QTMAN: variants seen among roughly 807,000 people sequenced by gnomAD.
The protein encoded by QTMAN is queuosine-tRNA mannosyltransferase.
At chr2:144,110,442 A>G in the QTMAN span, among the ~76,000 whole-genome samples, 4 of 152,274 alleles carry the variant, frequency 2.6e-5, no homozygotes, top group African/African-American at 9.6e-5. Flanking sequence ...CCTAATGTAA[A>G]TGGCGAGTTA....
At chr2:143,999,940 A>T in the QTMAN span, among the ~76,000 whole-genome samples, 1 of 152,082 alleles carries the variant, frequency 6.6e-6, no homozygotes, top group African/African-American at 2.4e-5. Flanking sequence ...CTATAGGTAG[A>T]AGTTCTTTAT....
At chr2:144,090,841 A>C in the QTMAN span, among the ~76,000 whole-genome samples, 1 of 152,068 alleles carries the variant, frequency 6.6e-6, no homozygotes, top group Non-Finnish European at 1.5e-5. Flanking sequence ...TAGGAAACTG[A>C]CAACCTTATT....
At chr2:144,113,843 C>T in the QTMAN span, among the ~76,000 whole-genome samples, 30 of 152,336 alleles carry the variant, frequency 2.0e-4, no homozygotes, top group African/African-American at 6.5e-4. Context: ...TTTTATCTGC[C>T]TCACTTTTTC....
the QTMAN span, among the ~76,000 whole-genome samples, chr2:144,170,916 C>G: frequency 6.6e-6 from 1 of 152,076 alleles, no homozygotes; most frequent in East Asian, 1.9e-4. Context: ...TTCAACTTTC[C>G]TTAACTTCAT....
At chr2:144,028,830 C>T in the QTMAN span, among the ~76,000 whole-genome samples, 423 of 152,250 alleles carry the variant, frequency 2.8e-3, 3 homozygotes, top group African/African-American at 9.7e-3. Context: ...TTTTGTTTTA[C>T]TTGTATTTTG....
At chr2:144,237,741 G>A in the QTMAN span, among the ~76,000 whole-genome samples, 4 of 152,164 alleles carry the variant, frequency 2.6e-5, no homozygotes, top group African/African-American at 9.7e-5. Flanking sequence ...ATGCCTTTGT[G>A]TAATCCCTTT....
At chr2:144,187,904 G>A in the QTMAN span, among the ~76,000 whole-genome samples, 1 of 152,212 alleles carries the variant, frequency 6.6e-6, no homozygotes. Flanking sequence ...TAAATCCAAT[G>A]ATGTTTTTCC....
At chr2:144,133,124 TA>T in the QTMAN span, among the ~76,000 whole-genome samples, 1 of 41,164 alleles carries the variant, frequency 2.4e-5, no homozygotes, top group African/African-American at 1.2e-4. Context: ...GTAATATATA[TA>T]TATATATATA....
the QTMAN span, among the ~76,000 whole-genome samples, chr2:143,979,131 C>T: frequency 3.3e-5 from 5 of 151,706 alleles, no homozygotes; most frequent in Non-Finnish European, 5.9e-5. Context: ...GAAATCACAG[C>T]TCTGAAAAAT....
chr2:144,014,818 T>C, the QTMAN span, among the ~76,000 whole-genome samples: 1 of 152,250 alleles, frequency 6.6e-6, no homozygotes, highest in Non-Finnish European at 1.5e-5. Context: ...CAGCCTATTC[T>C]TTTATATTTT....
At chr2:144,020,183 G>C in the QTMAN span, among the ~76,000 whole-genome samples, 2 of 152,180 alleles carry the variant, frequency 1.3e-5, no homozygotes, top group African/African-American at 2.4e-5. Context: ...TGCTGGGTAG[G>C]GGAGGGTGGG....
At chr2:144,100,504 A>T in the QTMAN span, among the ~76,000 whole-genome samples, 1 of 152,232 alleles carries the variant, frequency 6.6e-6, no homozygotes, top group Non-Finnish European at 1.5e-5. Context: ...TTATTCAACT[A>T]ATAATTGAAT....
the QTMAN span, among the ~76,000 whole-genome samples, chr2:144,281,395 C>CAAA: frequency 8.1e-4 from 49 of 60,578 alleles, no homozygotes; most frequent in African/African-American, 1.3e-3. Flanking sequence ...ATTGTTATAG[C>CAAA]AAAAAAAAAA....
At chr2:144,118,263 C>T in the QTMAN span, among the ~76,000 whole-genome samples, 1 of 152,162 alleles carries the variant, frequency 6.6e-6, no homozygotes, top group Non-Finnish European at 1.5e-5. Context: ...ATTTTCTCAT[C>T]TGTCTTCAAC....
the QTMAN span, among the ~76,000 whole-genome samples, chr2:144,050,911 G>A: frequency 6.6e-6 from 1 of 151,980 alleles, no homozygotes; most frequent in African/African-American, 2.4e-5. Context: ...GAATATTTTT[G>A]ATCTGTAGTT....
chr2:144,008,202 C>T, the QTMAN span, among the ~76,000 whole-genome samples: 13 of 152,140 alleles, frequency 8.5e-5, no homozygotes, highest in African/African-American at 2.9e-4. Context: ...AGGGGCTATC[C>T]TCAAGGAGCT....
the QTMAN span, among the ~76,000 whole-genome samples, chr2:144,079,401 A>G: frequency 6.6e-6 from 1 of 152,182 alleles, no homozygotes; most frequent in African/African-American, 2.4e-5. Context: ...GTTAAACTAG[A>G]TCATATGCAT....
At chr2:144,208,771 A>G in the QTMAN span, 1 of 1,611,182 alleles carries the variant, frequency 6.2e-7, no homozygotes, top group Non-Finnish European at 8.5e-7. Context: ...TTCAATGATG[A>G]GGATACTCAT....
chr2:144,265,554 G>A, the QTMAN span, among the ~76,000 whole-genome samples: 6 of 151,892 alleles, frequency 4.0e-5, no homozygotes, highest in East Asian at 1.9e-4. Context: ...AAAATTAGCC[G>A]GGGGTGGTGG....
Sources: gnomAD v4.1 joint callset for allele counts (sites outside exome capture counted in the v4.1 genomes callset) on GRCh38, gnomAD v4.1.1 for gene constraint, MANE v1.5 for transcripts, NCBI Gene and HGNC (gene_info 2026-07-23, HGNC 2026-07-21) for gene names.